Variants in DLL3 observed in about 807,000 individuals in gnomAD.
The protein encoded by DLL3 is delta-like protein 3.
DLL3 carries 49 observed loss-of-function variants against 55.0 expected under a neutral mutation model. The observed-to-expected ratio is 0.89, with a 90% CI of 0.71 to 1.13. The LOEUF (loss-of-function observed/expected upper bound fraction) is 1.13, where lower values mean the gene tolerates loss of function less well. Among genes scored for constraint, DLL3 ranks in the 50% most tolerant of loss-of-function variants. The pLI is 0.00. For missense variants in DLL3, 962 were observed against 875.5 expected (o/e 1.10, Z -1.25); for synonymous variants, 421 against 385.2 (o/e 1.09, Z -1.09).
rs1172732395 is a variant in DLL3, at chr19:39,499,487, C to T, written c.351+14C>T. 6.3e-7 allele frequency: 1 copy of T among 1,581,316 alleles called. No homozygotes were observed. The highest frequency in any genetic ancestry group is 1.3e-5 in the African/African-American group (1 of 74,562). On this transcript the variant is annotated intron_variant, in intron 2 of 8. Coordinates refer to ENST00000356433, the MANE Select transcript of DLL3 (RefSeq NM_203486.3). Reference sequence around the variant, plus strand: ...GACGCCTGGCCTGTAAGTGCTGCCCCCGGGGGACTCCCGGTGCTGGAGGCC... The same window carrying T: ...GACGCCTGGCCTGTAAGTGCTGCCCTCGGGGGACTCCCGGTGCTGGAGGCC...
In DLL3 at chr19:39,502,875, C is replaced by A. The variant is rs1028956837; in HGVS notation, c.470C>A (p.Pro157Gln). 3.5e-6 allele frequency: 5 copies of A among 1,421,442 alleles called. No homozygotes were observed. The highest frequency in any genetic ancestry group is 3.0e-5 in the African/African-American group (2 of 66,822). The allele number at this position is 1,421,442 out of a possible 1,614,324, so 88.1% of individuals were successfully genotyped here. Residue 157 changes from proline (P) to glutamine (Q), a missense_variant, in exon 4 of 9, where the codon CCG (proline) becomes CAG (glutamine). Physicochemically the swap from Pro to Gln is moderately conservative, Grantham distance 76. Transcript: ENST00000356433. Reference protein sequence around the residue: ...AGRRRLAAGGPWARDIQRAGA... With the variant: ...AGRRRLAAGGQWARDIQRAGA... ...AGGCGGCGCTTGGCAGCCGGAGGCC[C>A]GTGGGCCCGGGACATTCAGCGCGCA...
At chr19:39,500,866 C>T (rs1237262854) in intron 3 of DLL3, among the ~76,000 whole-genome samples, 194 bp downstream of exon 3, 3 of 150,888 alleles carry the variant, frequency 2.0e-5, no homozygotes, top group Non-Finnish European at 4.4e-5. Context: ...GGTTCTGGTA[C>T]CAGACGAAGT....
At chr19:39,506,984 G>A in intron 6 of DLL3, 55 bp from the exon 7 acceptor site, 1 of 1,514,228 alleles carries the variant, frequency 6.6e-7, no homozygotes. Flanking sequence ...AAACAGCGCG[G>A]GCAGGTGGGT....
At position 39,507,833 on chromosome 19, in the gene DLL3, G is replaced by A. The variant is rs772924663; in HGVS notation, c.1677G>A (p.Ser559=). 3.1e-6 allele frequency: 5 copies of A among 1,614,086 alleles called. No homozygotes were observed. Among genetic ancestry groups the A allele is most frequent in the Non-Finnish European group, 3.4e-6 (4 of 1,180,020 alleles). The change falls in exon 8 of 9, where the codon TCG becomes TCA. Residue 559 remains serine, a synonymous_variant. Transcript: ENST00000356433. ...TQEGSGDGPS[S]SVDWNRPEDV... is the part of the protein sequence containing the mutation. ...TCTTCTTTCTCTCCTCCCACAGCTC[G>A]TCCGTAGATTGGAATCGCCCTGAAG...
At chr19:39,507,721 C>G (rs974469745) in intron 7 of DLL3, 103 bp downstream of exon 7, 91 of 1,598,778 alleles carry the variant, frequency 5.7e-5, no homozygotes, top group Middle Eastern at 1.7e-4. Context: ...CCTGGTCGGT[C>G]TCTCTTACCC....
intron 5 of DLL3, 41 bp downstream of exon 5, chr19:39,504,329 A>C (rs770078952): frequency 6.2e-7 from 1 of 1,601,176 alleles, no homozygotes. Context: ...TTAGTACTTT[A>C]CCCTGGGAGC....
Position 39,498,947 on chromosome 19 carries a change from A to T in DLL3, c.-28A>T, listed in dbSNP as rs2079592316. On this transcript the variant is annotated 5_prime_UTR_variant, in exon 1 of 9. Coordinates refer to ENST00000356433, the MANE Select transcript of DLL3 (RefSeq NM_203486.3). ...TAAGGCTTGGAAGCCAGCAGCTGCG[A>T]CTCCCGAGACCCCCCCACCAGAAGG... The T allele has an allele frequency of 6.2e-7, 1 of 1,610,334 alleles. No homozygotes were observed. The highest frequency in any genetic ancestry group is 8.5e-7 in the Non-Finnish European group (1 of 1,179,210).
chr19:39,505,853 C>T (rs1396318974), intron 6 of DLL3, among the ~76,000 whole-genome samples: 1 of 152,078 alleles, frequency 6.6e-6, no homozygotes, highest in Admixed American at 6.6e-5. Flanking sequence ...TTTCACTTTT[C>T]CCCTGAGTGA....
chr19:39,499,581 G>T (rs974706889), intron 2 of DLL3, 108 bp downstream of exon 2: 24 of 1,432,246 alleles, frequency 1.7e-5, no homozygotes, highest in East Asian at 2.5e-5. Context: ...TGCCTCCCAG[G>T]GGGTGGACGA....
rs1471853910 is a variant in DLL3, at chr19:39,499,353, C to T, written c.231C>T (p.Cys77=). The change falls in exon 2 of 9, where the codon TGC becomes TGT. Residue 77 remains cysteine, a synonymous_variant. Transcript: ENST00000356433. ...CAGAGGAGGCCGCCGAGTCCCCGTGCGCCCTGGGCGCGGCGCTGAGTGCGC... is the reference window on the plus strand; with the variant it reads ...CAGAGGAGGCCGCCGAGTCCCCGTGTGCCCTGGGCGCGGCGCTGAGTGCGC... ...GLSEEAAESP[C]ALGAALSARG... is the part of the protein sequence containing the mutation. 3 of 1,555,628 alleles carry T rather than the reference C, an allele frequency of 1.9e-6. No individual in the cohort carries two copies. Among genetic ancestry groups the T allele is most frequent in the Non-Finnish European group, 2.6e-6 (3 of 1,156,538 alleles).
intron 4 of DLL3, among the ~76,000 whole-genome samples, 175 bp from the exon 5 acceptor site, chr19:39,503,896 T>C (rs1568449731): frequency 6.6e-6 from 1 of 152,178 alleles, no homozygotes; most frequent in Non-Finnish European, 1.5e-5. Context: ...TCAGTTTCCC[T>C]ATCTGTAAAC....
rs569721831 is a variant in DLL3 at position 39,502,118 on chromosome 19, C to T, written c.410-697C>T. 2.1e-4 allele frequency among the ~76,000 whole-genome samples: 32 copies of T among 148,972 alleles called. No homozygotes were observed. The East Asian group carries it at 5.3e-3, about 25-fold the overall frequency. On this transcript the variant is annotated intron_variant, in intron 3 of 8. Transcript: ENST00000356433. ...AGGAGAATGGCGTGAACCCGGGAGG[C>T]GGAGCTGGCAGTGAGCCGAGATCAC... is the stretch of plus-strand genomic sequence containing the variant.
Position 39,508,434 on chromosome 19 carries a change from C to A in DLL3, c.*177C>A. The A allele has an allele frequency of 1.4e-6, 1 of 707,702 alleles. No homozygotes were observed. 43.8% of individuals were successfully genotyped at this position (707,702 alleles called of 1,614,324 possible). On this transcript the variant is annotated 3_prime_UTR_variant, in exon 9 of 9. Transcript: ENST00000356433. The stretch of plus-strand genomic sequence containing the variant: ...TATCCTATTTTTTCTCACCCCATCT[C>A]TCTAGAAACACCTATAAAGGCTATT...
chr19:39,502,357 G>A (rs1453240730), intron 3 of DLL3, among the ~76,000 whole-genome samples: 1 of 151,816 alleles, frequency 6.6e-6, no homozygotes, highest in Non-Finnish European at 1.5e-5. Flanking sequence ...TCCACTTCTG[G>A]GTGCAAGTGA....
At chr19:39,507,014 C>T (rs1568450982) in intron 6 of DLL3, 25 bp from the exon 7 acceptor site, 1 of 1,531,746 alleles carries the variant, frequency 6.5e-7, no homozygotes, top group Non-Finnish European at 8.7e-7. Flanking sequence ...CCGGACTGCG[C>T]CCTCTGATGC....
At chr19:39,500,424 C>A (rs1027278114) in intron 2 of DLL3, among the ~76,000 whole-genome samples, 191 bp from the exon 3 acceptor site, 9 of 141,890 alleles carry the variant, frequency 6.3e-5, no homozygotes, top group African/African-American at 1.3e-4. Context: ...AGATTCTCCC[C>A]CCCCCCCCAA....
Position 39,502,897 on chromosome 19 carries a change from C to G in DLL3, c.492C>G (p.Arg164=). The G allele has an allele frequency of 6.9e-7, 1 of 1,441,748 alleles. No individual in the cohort carries two copies. Among genetic ancestry groups the G allele is most frequent in the Non-Finnish European group, 9.1e-7 (1 of 1,102,820 alleles). 89.3% of individuals were successfully genotyped at this position (1,441,748 alleles called of 1,614,324 possible). A position where few individuals can be genotyped will look rare whatever the true frequency, so the allele number is the denominator to read the frequency against. Residue 164 remains arginine, a synonymous_variant, in exon 4 of 9, where the codon CGC becomes CGG. Coordinates refer to ENST00000356433, the MANE Select transcript of DLL3 (RefSeq NM_203486.3). The part of the protein sequence containing the change: ...AGGPWARDIQ[R]AGAWELRFSY... ...GCCCGTGGGCCCGGGACATTCAGCGCGCAGGCGCCTGGGAGCTGCGCTTCT... is the reference window on the plus strand; with the variant it reads ...GCCCGTGGGCCCGGGACATTCAGCGGGCAGGCGCCTGGGAGCTGCGCTTCT...
Position 39,500,596 on chromosome 19 carries a change from C to T in DLL3, c.352-19C>T, listed in dbSNP as rs754371527. ...CACTGTCTTTCATCTTTCATCTCCC[C>T]CTTCCTTCACCCAACCAGGGCACCT... On this transcript the variant is annotated intron_variant, in intron 2 of 8. Coordinates refer to ENST00000356433, the MANE Select transcript of DLL3 (RefSeq NM_203486.3). 385 of 1,611,012 alleles carry T rather than the reference C, an allele frequency of 2.4e-4. 1 individual carries two copies. Among genetic ancestry groups the T allele is most frequent in the Admixed American group, 3.2e-4 (19 of 59,960 alleles).
At chr19:39,503,116 G>A in intron 4 of DLL3, 59 bp downstream of exon 4, 1 of 1,488,880 alleles carries the variant, frequency 6.7e-7, no homozygotes, top group Non-Finnish European at 8.9e-7. Flanking sequence ...CCTCCTGAGC[G>A]TCACTCGCGG....
Sources: allele counts gnomAD v4.1 joint callset (sites outside exome capture counted in the v4.1 genomes callset), GRCh38; gene constraint gnomAD v4.1.1; transcripts MANE v1.5; gene names NCBI Gene and HGNC (gene_info 2026-07-23, HGNC 2026-07-21).